The following VCL variants were observed in gnomAD, a reference collection of about 807,000 sequenced individuals.
VCL encodes epididymis luminal protein 114.
VCL carries 47 observed loss-of-function variants against 125.7 expected under a neutral mutation model. The observed-to-expected ratio is 0.37, with a 90% CI of 0.30 to 0.48. The LOEUF is 0.48. Among genes scored for constraint, VCL ranks in the 20% least tolerant of loss-of-function variants. The pLI is 0.99. For missense variants in VCL, 1,069 were observed against 1,455.5 expected (o/e 0.73, Z 4.32); for synonymous variants, 458 against 514.6 (o/e 0.89, Z 1.49).
chr10:74,060,681 AAAAG>A (rs1056295968), intron 2 of VCL, among the ~76,000 whole-genome samples: 6 of 151,584 alleles, frequency 4.0e-5, no homozygotes, highest in African/African-American at 1.5e-4. Flanking sequence ...AAGAAAAAGA[AAAAG>A]AAGAAAAAAG....
intron 1 of VCL, among the ~76,000 whole-genome samples, chr10:74,005,664 T>C (rs67017494): frequency 0.2 from 30,263 of 152,108 alleles, 3,078 homozygotes; most frequent in South Asian, 0.24. Context: ...CCATGGGGGA[T>C]TGGTTGCAGG....
At chr10:74,083,636 T>G (rs889194729) in intron 8 of VCL, 123 bp downstream of exon 8, 8 of 1,198,128 alleles carry the variant, frequency 6.7e-6, no homozygotes, top group Admixed American at 4.1e-5. Context: ...AGAGATATTA[T>G]AGTCTATTAA....
intron 10 of VCL, among the ~76,000 whole-genome samples, chr10:74,093,907 T>C (rs1042993850): frequency 2.0e-5 from 3 of 152,210 alleles, no homozygotes; most frequent in African/African-American, 7.2e-5. Context: ...CTGTTTCAGC[T>C]GCTCCTACAA....
At chr10:74,079,679 A>G (rs1839645295) in intron 6 of VCL, among the ~76,000 whole-genome samples, 1 of 152,168 alleles carries the variant, frequency 6.6e-6, no homozygotes, top group Admixed American at 6.6e-5. Flanking sequence ...TATAATAAAT[A>G]TTGCCTTTCA....
At chr10:74,082,322 A>AT in intron 6 of VCL, 132 bp from the exon 7 acceptor site, 2 of 873,768 alleles carry the variant, frequency 2.3e-6, no homozygotes, top group Non-Finnish European at 3.7e-6. Flanking sequence ...TGGTGACAAT[A>AT]TTTTTAAGGC....
At position 74,103,947 on chromosome 10, in the gene VCL, A is replaced by T; in HGVS notation, c.2131+19A>T. 1.9e-6 allele frequency: 3 copies of T among 1,608,336 alleles called. No homozygotes were observed. Among genetic ancestry groups the T allele is most frequent in the Non-Finnish European group, 2.6e-6 (3 of 1,174,950 alleles). ...ATGACAGGTAGAGTTTTCTATACAAATCTTGTTGTCTAATCCATGAAGAAT... is the reference window on the plus strand; with the variant it reads ...ATGACAGGTAGAGTTTTCTATACAATTCTTGTTGTCTAATCCATGAAGAAT... On this transcript the variant is annotated intron_variant, in intron 15 of 21. Coordinates refer to ENST00000211998, the MANE Select transcript of VCL (RefSeq NM_014000.3).
intron 2 of VCL, among the ~76,000 whole-genome samples, chr10:74,049,560 T>C (rs1841261141): frequency 6.6e-6 from 1 of 151,926 alleles, no homozygotes; most frequent in African/African-American, 2.4e-5. Context: ...GATGGTTAGA[T>C]GTAGGGAGGA....
At chr10:73,999,345 C>T (rs1840181833) in intron 1 of VCL, among the ~76,000 whole-genome samples, 1 of 152,216 alleles carries the variant, frequency 6.6e-6, no homozygotes, top group South Asian at 2.1e-4. Context: ...CTGTAACCCA[C>T]AGCTGTGACT....
At chr10:74,056,301 G>A (rs995664324) in intron 2 of VCL, among the ~76,000 whole-genome samples, 1 of 151,332 alleles carries the variant, frequency 6.6e-6, no homozygotes, top group Non-Finnish European at 1.5e-5. Context: ...ACTCATTGTG[G>A]GTTATTTTTT....
In VCL at chr10:74,103,853, C is replaced by T; in HGVS notation, c.2056C>T (p.Pro686Ser). ...GGCTGCTCGTATCTTACTTAGGAAC[C>T]CTGGAAATCAAGCTGCTTATGAACA... Reference protein sequence around the residue: ...VSAARILLRNPGNQAAYEHFE... With the variant: ...VSAARILLRNSGNQAAYEHFE... The change falls in exon 15 of 22, where the codon CCT (proline) becomes TCT (serine). Residue 686 changes from proline (P) to serine (S), a missense_variant. Physicochemically the swap from Pro to Ser is moderately conservative, Grantham distance 74. Coordinates refer to ENST00000211998, the MANE Select transcript of VCL (RefSeq NM_014000.3). 1 of 1,614,062 alleles carries T rather than the reference C, an allele frequency of 6.2e-7. No individual in the cohort carries two copies. Among genetic ancestry groups the T allele is most frequent in the Non-Finnish European group, 8.5e-7 (1 of 1,179,994 alleles).
At chr10:74,052,177 G>T (rs1841311467) in intron 2 of VCL, among the ~76,000 whole-genome samples, 1 of 152,026 alleles carries the variant, frequency 6.6e-6, no homozygotes, top group African/African-American at 2.4e-5. Flanking sequence ...TTATGGGGAG[G>T]TGCTTTTACC....
At chr10:74,033,034 A>G (rs1313863899) in intron 1 of VCL, among the ~76,000 whole-genome samples, 4 of 152,226 alleles carry the variant, frequency 2.6e-5, no homozygotes, top group Admixed American at 2.6e-4. Context: ...ACCTAGGTTT[A>G]TAACCAAGAG....
chr10:74,063,296 T>C (rs1841509099), intron 2 of VCL, among the ~76,000 whole-genome samples: 1 of 152,242 alleles, frequency 6.6e-6, no homozygotes, highest in South Asian at 2.1e-4. Context: ...GAGAGTTTCC[T>C]CTTATTGCTG....
intron 2 of VCL, among the ~76,000 whole-genome samples, chr10:74,046,656 C>A (rs967265450): frequency 6.6e-6 from 1 of 152,230 alleles, no homozygotes; most frequent in African/African-American, 2.4e-5. Flanking sequence ...GGTTGCCCCT[C>A]ACCCCTTGGA....
At chr10:74,070,568 GA>G in intron 2 of VCL, 101 bp from the exon 3 acceptor site, 3 of 1,552,970 alleles carry the variant, frequency 1.9e-6, no homozygotes, top group Non-Finnish European at 2.6e-6. Flanking sequence ...TTCATGTAGG[GA>G]AAAAAACTGT....
At chr10:74,046,937 G>A (rs1367447595) in intron 2 of VCL, among the ~76,000 whole-genome samples, 2 of 152,092 alleles carry the variant, frequency 1.3e-5, no homozygotes, top group African/African-American at 4.8e-5. Flanking sequence ...CAAAAAATTT[G>A]GTCACTTTAA....
chr10:74,023,158 G>C (rs1242088443), intron 1 of VCL, among the ~76,000 whole-genome samples: 2 of 152,138 alleles, frequency 1.3e-5, no homozygotes, highest in African/African-American at 4.8e-5. Flanking sequence ...TGCAGTTGTG[G>C]GTAATGAGGT....
chr10:74,072,961 A>C, intron 5 of VCL, 109 bp downstream of exon 5: 1 of 1,301,370 alleles, frequency 7.7e-7, no homozygotes, highest in Non-Finnish European at 1.0e-6. Context: ...TTTTTTTTTG[A>C]GATGAAGTCT....
intron 1 of VCL, among the ~76,000 whole-genome samples, chr10:74,032,849 C>T (rs1438313079): frequency 6.6e-6 from 1 of 152,064 alleles, no homozygotes; most frequent in Non-Finnish European, 1.5e-5. Context: ...GATACCGCTT[C>T]AGTAGGAGGG....
Sources: gnomAD v4.1 joint callset for allele counts (sites outside exome capture counted in the v4.1 genomes callset) on GRCh38, gnomAD v4.1.1 for gene constraint, MANE v1.5 for transcripts, NCBI Gene and HGNC (gene_info 2026-07-23, HGNC 2026-07-21) for gene names.